The following PCDHAC2 variants were observed in gnomAD, a reference collection of about 807,000 sequenced individuals.
PCDHAC2 encodes protocadherin alpha-C2.
A neutral mutation model predicts 63.3 loss-of-function variants in PCDHAC2; 24 were observed. That is an observed-to-expected ratio of 0.38 (90% CI 0.27 to 0.53). PCDHAC2 has a LOEUF of 0.53. Among genes scored for constraint, PCDHAC2 ranks in the 20% least tolerant of loss-of-function variants. The probability of loss-of-function intolerance (pLI) is 0.81; values close to 1 mark genes in which losing one functional copy is unlikely to be tolerated. For missense variants in PCDHAC2, 1,181 were observed against 1,275.2 expected (o/e 0.93, Z 1.12); for synonymous variants, 569 against 529.4 (o/e 1.07, Z -1.03).
At chr5:140,993,468 AC>A (rs2097564676) in intron 3 of PCDHAC2, among the ~76,000 whole-genome samples, 1 of 69,412 alleles carries the variant, frequency 1.4e-5, no homozygotes, top group South Asian at 5.5e-4. Context: ...TTTCTCACAC[AC>A]ACACACACAC....
intron 1 of PCDHAC2, 164 bp downstream of exon 1, chr5:140,969,495 C>G: frequency 7.0e-7 from 1 of 1,437,888 alleles, no homozygotes; most frequent in Non-Finnish European, 9.2e-7. Context: ...TATTTCCTCT[C>G]TAGAAAAATA....
rs1192658029 is a variant in PCDHAC2 at position 141,011,915 on chromosome 5, A to G, written c.*1978A>G. On this transcript the variant is annotated 3_prime_UTR_variant, in exon 4 of 4. Coordinates refer to ENST00000289269, the MANE Select transcript of PCDHAC2 (RefSeq NM_018899.6). Reference sequence around the variant, plus strand: ...ATATTATCTATTTAGGCATTAATATAAAAGAGGTAGGAGTCTGTTATTTAA... The same window carrying G: ...ATATTATCTATTTAGGCATTAATATGAAAGAGGTAGGAGTCTGTTATTTAA... 1 of 153,728 alleles carries G rather than the reference A, an allele frequency of 6.5e-6. No homozygotes were observed. Among genetic ancestry groups the G allele is most frequent in the Admixed American group, 6.5e-5 (1 of 15,286 alleles). 9.5% of individuals were successfully genotyped at this position (153,728 alleles called of 1,614,324 possible). A position where few individuals can be genotyped will look rare whatever the true frequency, so the allele number is the denominator to read the frequency against.
chr5:140,971,943 A>T (rs2096507947), intron 1 of PCDHAC2, among the ~76,000 whole-genome samples: 1 of 152,186 alleles, frequency 6.6e-6, no homozygotes, highest in Non-Finnish European at 1.5e-5. Flanking sequence ...AGTTGTATCC[A>T]TCTGACTCCA....
chr5:141,003,151 C>T (rs1554258934), intron 3 of PCDHAC2, among the ~76,000 whole-genome samples: 2 of 152,224 alleles, frequency 1.3e-5, no homozygotes, highest in African/African-American at 2.4e-5. Flanking sequence ...AGACTCTGAC[C>T]TGATCAATCC....
chr5:140,980,294 A>G (rs1325974235), intron 2 of PCDHAC2, among the ~76,000 whole-genome samples: 1 of 152,234 alleles, frequency 6.6e-6, no homozygotes, highest in Non-Finnish European at 1.5e-5. Context: ...TACCAAAGCT[A>G]TGAGTTGTGC....
intron 1 of PCDHAC2, 22 bp downstream of exon 1, chr5:140,969,353 C>T (rs781980010): frequency 3.7e-6 from 6 of 1,612,562 alleles, no homozygotes; most frequent in Non-Finnish European, 4.2e-6. Context: ...GTCAGGGGGT[C>T]TTCTACAAAC....
At chr5:141,003,158 A>G (rs902811266) in intron 3 of PCDHAC2, among the ~76,000 whole-genome samples, 4 of 152,222 alleles carry the variant, frequency 2.6e-5, no homozygotes, top group Non-Finnish European at 5.9e-5. Context: ...GACCTGATCA[A>G]TCCTAGTCCC....
At chr5:140,969,963 AT>A (rs2096372822) in intron 1 of PCDHAC2, among the ~76,000 whole-genome samples, 1 of 152,204 alleles carries the variant, frequency 6.6e-6, no homozygotes. Context: ...CTTTGGCTGT[AT>A]GATGTGGCAA....
At chr5:140,977,055 A>G (rs1220462981) in intron 1 of PCDHAC2, among the ~76,000 whole-genome samples, 1 of 152,234 alleles carries the variant, frequency 6.6e-6, no homozygotes, top group Non-Finnish European at 1.5e-5. Context: ...CTGATGGACT[A>G]GTATAGAAAA....
chr5:140,989,004 CTTA>C (rs1445940440), intron 3 of PCDHAC2: 15 of 152,184 alleles, frequency 9.9e-5, no homozygotes, highest in African/African-American at 3.4e-4. Context: ...GAAATAGAGA[CTTA>C]TTATAGTTTC....
Position 140,967,113 on chromosome 5 carries a change from G to T in PCDHAC2, c.347G>T (p.Arg116Leu). 1 of 1,612,880 alleles carries T rather than the reference G, an allele frequency of 6.2e-7. No homozygotes were observed. The highest frequency in any genetic ancestry group is 8.5e-7 in the Non-Finnish European group (1 of 1,179,426). The change falls in exon 1 of 4, where the codon CGC becomes CTC. Residue 116 changes from arginine to leucine, a missense_variant. This residue lies in a region of PCDHAC2 where 210 missense variants were observed against 184.9 expected (regional missense o/e 1.14). Transcript: ENST00000289269. ...DREALCEQRPRCLLSLEVLAH... is the reference protein window; with the variant it reads ...DREALCEQRPLCLLSLEVLAH... The stretch of plus-strand genomic sequence containing the variant: ...GAGGCGCTGTGTGAGCAGCGGCCTC[G>T]CTGCCTGCTCAGCTTGGAAGTGCTG...
intron 3 of PCDHAC2, among the ~76,000 whole-genome samples, chr5:141,002,672 C>A (rs1301536253): frequency 6.6e-6 from 1 of 152,292 alleles, no homozygotes; most frequent in African/African-American, 2.4e-5. Context: ...AGGACCAAAA[C>A]CTATACGACG....
At chr5:140,982,608 T>G (rs782789536) in intron 3 of PCDHAC2, 45 bp downstream of exon 3, 2 of 1,601,306 alleles carry the variant, frequency 1.2e-6, no homozygotes, top group South Asian at 2.2e-5. Flanking sequence ...TTCTGGAAAG[T>G]GATCAGATGA....
At chr5:140,993,462 TCACACACA>T (rs3836747) in intron 3 of PCDHAC2, among the ~76,000 whole-genome samples, 8,792 of 140,974 alleles carry the variant, frequency 0.062, 316 homozygotes, top group South Asian at 0.11. Flanking sequence ...TCTTTCTTTC[TCACACACA>T]CACACACACA....
Position 140,968,722 on chromosome 5 carries a change from T to A in PCDHAC2, c.1956T>A (p.Ser652Arg), listed in dbSNP as rs1379540261. 6.2e-7 allele frequency: 1 copy of A among 1,613,728 alleles called. No homozygotes were observed. Among genetic ancestry groups the A allele is most frequent in the Non-Finnish European group, 8.5e-7 (1 of 1,179,952 alleles). The change falls in exon 1 of 4, where the codon AGT becomes AGA. Residue 652 changes from serine (S) to arginine (R), a missense_variant. Coordinates refer to ENST00000289269, the MANE Select transcript of PCDHAC2 (RefSeq NM_018899.6). ...IRTTRKMGDE[S>R]GSTFNLTVVV... Reference sequence around the variant, plus strand: ...CTACCAGGAAGATGGGAGATGAGAGTGGTAGCACTTTCAACCTGACCGTGG... The same window carrying A: ...CTACCAGGAAGATGGGAGATGAGAGAGGTAGCACTTTCAACCTGACCGTGG...
chr5:140,982,545 G>C lies in PCDHAC2; in HGVS notation c.2695G>C (p.Val899Leu), dbSNP rs782544627. The change falls in exon 3 of 4, where the codon GTA becomes CTA. Residue 899 changes from valine (V) to leucine (L), a missense_variant. Val to Leu is a conservative substitution (Grantham distance 32). Transcript: ENST00000289269. The stretch of plus-strand genomic sequence containing the variant: ...AGGGCCTGATCAGCAGTGGCCAACA[G>C]TATCCAGTGCAACACCAGGTAAAGA... ...PGGPDQQWPT[V>L]SSATPEPEAG... The C allele has an allele frequency of 6.2e-6, 10 of 1,614,088 alleles. No individual in the cohort carries two copies. The East Asian group carries it at 2.2e-4, about 36-fold the overall frequency.
intron 3 of PCDHAC2, among the ~76,000 whole-genome samples, chr5:141,000,512 CCTT>C (rs1340468179): frequency 2.1e-5 from 3 of 144,282 alleles, no homozygotes; most frequent in Non-Finnish European, 4.5e-5. Context: ...ACTGCAACCT[CCTT>C]CTCCAGGGTT....
rs189785800 is a variant in PCDHAC2 at position 141,012,340 on chromosome 5, G to A, written c.*2403G>A. ...TTATTGCTAATAAATGAAAATGGTG[G>A]TATGAAAGAAATGGTGGTCATTTCT... On this transcript the variant is annotated 3_prime_UTR_variant, in exon 4 of 4. Transcript: ENST00000289269. The A allele has an allele frequency of 3.6e-4, 55 of 153,812 alleles. No homozygotes were observed. The East Asian group carries it at 9.6e-3, about 27-fold the overall frequency. 9.5% of individuals were successfully genotyped at this position (153,812 alleles called of 1,614,324 possible).
chr5:141,006,343 C>T (rs1036137270), intron 3 of PCDHAC2, among the ~76,000 whole-genome samples: 41 of 152,038 alleles, frequency 2.7e-4, no homozygotes, highest in African/African-American at 8.9e-4. Context: ...TCCTGAGTAG[C>T]TGGGACTATA....
Sources: gnomAD v4.1 joint callset for allele counts (sites outside exome capture counted in the v4.1 genomes callset) on GRCh38, gnomAD v4.1.1 for gene constraint, gnomAD v4.1.1 regional missense constraint, MANE v1.5 for transcripts, NCBI Gene and HGNC (gene_info 2026-07-23, HGNC 2026-07-21) for gene names.